KAT6B: variants seen among roughly 807,000 people sequenced by gnomAD.
The protein encoded by KAT6B is histone acetyltransferase KAT6B.
Under a neutral mutation model 187.5 loss-of-function variants are expected in KAT6B, and 10 were observed. The observed-to-expected ratio is 0.05, with a 90% CI of 0.03 to 0.09. KAT6B has a LOEUF of 0.09. Ranked by LOEUF, KAT6B falls within the 10% of genes least tolerant of loss-of-function variation. The pLI is 1.00. For synonymous variants in KAT6B, 861 were observed against 926.8 expected (o/e 0.93, Z 1.29); for missense variants, 1,952 against 2,558.9 (o/e 0.76, Z 5.12).
chr10:74,942,621 T>C (rs1849754811), intron 3 of KAT6B, among the ~76,000 whole-genome samples: 1 of 151,730 alleles, frequency 6.6e-6, no homozygotes, highest in Non-Finnish European at 1.5e-5. Flanking sequence ...CAAAATTAGC[T>C]GGGCATGGTG....
chr10:74,974,130 G>T (rs1233010249), intron 7 of KAT6B, among the ~76,000 whole-genome samples: 1 of 152,072 alleles, frequency 6.6e-6, no homozygotes, highest in Non-Finnish European at 1.5e-5. Flanking sequence ...TTCCTTGTTG[G>T]TAACTCTCAC....
chr10:74,894,174 C>T (rs1482218909), intron 3 of KAT6B, among the ~76,000 whole-genome samples: 1 of 152,004 alleles, frequency 6.6e-6, no homozygotes, highest in East Asian at 1.9e-4. Flanking sequence ...CTTCGCTTGC[C>T]GGGTTCAAGC....
chr10:74,952,754 T>A (rs1208171344), intron 3 of KAT6B, among the ~76,000 whole-genome samples: 1 of 151,922 alleles, frequency 6.6e-6, no homozygotes, highest in Non-Finnish European at 1.5e-5. Flanking sequence ...TGGCGCGGTC[T>A]TGGCTCACTG....
chr10:74,962,751 T>A (rs1841190002), intron 4 of KAT6B, among the ~76,000 whole-genome samples: 1 of 152,204 alleles, frequency 6.6e-6, no homozygotes, highest in African/African-American at 2.4e-5. Context: ...AATGTATCCT[T>A]CTGCTTACAT....
chr10:74,840,866 C>G (rs1841697341), intron 2 of KAT6B, among the ~76,000 whole-genome samples: 1 of 152,158 alleles, frequency 6.6e-6, no homozygotes, highest in Admixed American at 6.5e-5. Context: ...CAGCAACATT[C>G]CAGGATCTCT....
chr10:74,825,041 T>TGCC (rs1405870725), upstream of KAT6B, among the ~76,000 whole-genome samples: 2 of 152,306 alleles, frequency 1.3e-5, no homozygotes, highest in African/African-American at 4.8e-5. The surrounding 1 kb of genome is among the most constrained non-coding windows in gnomAD (Gnocchi z 5.0). Flanking sequence ...CACACAAGGA[T>TGCC]GCCGCCGCCG....
At chr10:74,964,745 C>G (rs1426066338) in intron 4 of KAT6B, among the ~76,000 whole-genome samples, 1 of 152,210 alleles carries the variant, frequency 6.6e-6, no homozygotes, top group Non-Finnish European at 1.5e-5. Context: ...TATCCCACCT[C>G]TCCTGGAGGA....
chr10:74,977,206 A>G, intron 8 of KAT6B, 110 bp from the exon 9 acceptor site: 3 of 1,177,472 alleles, frequency 2.5e-6, no homozygotes, highest in Non-Finnish European at 3.7e-6. Flanking sequence ...AAAGCTTTAA[A>G]AAAAATCCCT....
At chr10:74,937,483 A>AT (rs1248038421) in intron 3 of KAT6B, among the ~76,000 whole-genome samples, 1 of 152,216 alleles carries the variant, frequency 6.6e-6, no homozygotes, top group African/African-American at 2.4e-5. Context: ...ATAATGATCT[A>AT]TTTATTTATC....
Position 75,000,169 on chromosome 10 carries a change from CT to C in KAT6B, c.2629+11070del, listed in dbSNP as rs1359033583. ...CCTGGGCGACAGAGCAAGACTCTGT[CT>C]TTTTTTTTTTTTCTTTTTTTAAAAC... On this transcript the variant is annotated intron_variant, in intron 13 of 17. Coordinates refer to ENST00000287239, the MANE Select transcript of KAT6B (RefSeq NM_012330.4). Among the ~76,000 whole-genome samples the C allele has an allele frequency of 7.7e-3, 1,115 of 144,146 alleles. 11 individuals carry two copies. Among genetic ancestry groups the C allele is most frequent in the African/African-American group, 0.019 (745 of 39,334 alleles). The allele number at this position is 144,146 out of a possible 152,430, so 94.6% of individuals were successfully genotyped here. A position where few individuals can be genotyped will look rare whatever the true frequency, so the allele number is the denominator to read the frequency against.
At chr10:74,840,466 G>A (rs1342804739) in intron 2 of KAT6B, among the ~76,000 whole-genome samples, 3 of 152,222 alleles carry the variant, frequency 2.0e-5, no homozygotes, top group Non-Finnish European at 4.4e-5. Flanking sequence ...AATAGGACTA[G>A]TTAGGAATAG....
chr10:74,872,205 A>G (rs975966637), intron 3 of KAT6B, among the ~76,000 whole-genome samples: 4 of 152,176 alleles, frequency 2.6e-5, no homozygotes, highest in Non-Finnish European at 4.4e-5. Flanking sequence ...CAAAATATGC[A>G]AGTATTACAT....
At chr10:74,899,718 G>C (rs1846251688) in intron 3 of KAT6B, among the ~76,000 whole-genome samples, 1 of 152,086 alleles carries the variant, frequency 6.6e-6, no homozygotes, top group African/African-American at 2.4e-5. Context: ...CTCTACTCCT[G>C]AGTAAGTAAG....
At chr10:74,938,427 C>G (rs760088327) in intron 3 of KAT6B, among the ~76,000 whole-genome samples, 1 of 151,944 alleles carries the variant, frequency 6.6e-6, no homozygotes, top group Non-Finnish European at 1.5e-5. Context: ...GAACCAGGCC[C>G]TCAAAGTAGA....
intron 13 of KAT6B, among the ~76,000 whole-genome samples, chr10:75,009,228 T>G (rs1844427099): frequency 1.3e-5 from 2 of 152,248 alleles, no homozygotes; most frequent in Admixed American, 1.3e-4. Flanking sequence ...GAGTTCCTGT[T>G]ATTTACGTAG....
chr10:75,025,330 A>G, intron 17 of KAT6B, 81 bp downstream of exon 17: 1 of 1,443,820 alleles, frequency 6.9e-7, no homozygotes, highest in Non-Finnish European at 9.6e-7. Flanking sequence ...CTCTGGCGTG[A>G]TGCCCAGAGG....
rs757298104 is a variant in KAT6B, at chr10:74,972,509, A to T, written c.931A>T (p.Met311Leu). The part of the protein sequence containing the change: ...DPPLSRMPKG[M>L]WICQVCRPKK... ...TTCTCATATATATATTAATTCAGGG[A>T]TGTGGATTTGCCAAGTCTGCAGACC... Residue 311 changes from methionine (M) to leucine (L), a missense_variant and splice_region_variant, in exon 7 of 18, where the codon ATG becomes TTG. Around this residue, in one of 9 missense-constraint regions of KAT6B, gnomAD observed 417 missense variants for 508.9 expected, o/e 0.82. Coordinates refer to ENST00000287239, the MANE Select transcript of KAT6B (RefSeq NM_012330.4). The T allele has an allele frequency of 8.2e-6, 13 of 1,578,176 alleles. No homozygotes were observed. The East Asian group carries it at 2.7e-4, about 33-fold the overall frequency.
chr10:74,872,522 T>C (rs1205757377), intron 3 of KAT6B, among the ~76,000 whole-genome samples: 1 of 152,092 alleles, frequency 6.6e-6, no homozygotes, highest in Non-Finnish European at 1.5e-5. Context: ...ACTACAGTTG[T>C]GTACCACCAT....
intron 3 of KAT6B, among the ~76,000 whole-genome samples, chr10:74,930,943 CTT>C (rs1295580748): frequency 6.6e-6 from 1 of 152,076 alleles, no homozygotes; most frequent in Non-Finnish European, 1.5e-5. Context: ...GACTGCAAGT[CTT>C]TTTTTGTGCA....
Sources: gnomAD v4.1 joint callset for allele counts (sites outside exome capture counted in the v4.1 genomes callset) on GRCh38, gnomAD v4.1.1 for gene constraint, gnomAD v4.1.1 regional missense constraint, Gnocchi (gnomAD v3.1) non-coding constraint, MANE v1.5 for transcripts, NCBI Gene and HGNC (gene_info 2026-07-23, HGNC 2026-07-21) for gene names.